CNTN4: variants seen among roughly 807,000 people sequenced by gnomAD.
The protein encoded by CNTN4 is contactin 4.
A neutral mutation model predicts 122.5 loss-of-function variants in CNTN4; 77 were observed. That is an observed-to-expected ratio of 0.63 (90% confidence interval 0.52 to 0.76). The LOEUF is 0.76. Among genes scored for constraint, CNTN4 ranks in the 30% least tolerant of loss-of-function variants. The pLI is 0.00. For synonymous variants in CNTN4, 512 were observed against 447.0 expected (o/e 1.15, Z -1.83); for missense variants, 1,256 against 1,259.1 (o/e 1.00, Z 0.04).
Position 2,891,680 on chromosome 3 carries a change from G to A in CNTN4, c.940+4456G>A, listed in dbSNP as rs147542825. Among the ~76,000 whole-genome samples, 919 of 152,270 alleles carry A rather than the reference G, an allele frequency of 6.0e-3. 13 individuals are homozygous for A. The highest frequency in any genetic ancestry group is 0.021 in the African/African-American group (859 of 41,542). On this transcript the variant is annotated intron_variant, in intron 10 of 24. Coordinates refer to ENST00000418658, the MANE Select transcript of CNTN4 (RefSeq NM_175607.3). The stretch of plus-strand genomic sequence containing the variant: ...CTTGACTTTCTTGATATGCAGCAGG[G>A]AAGTCAGTGTTAACTAAATCATAGT...
chr3:2,482,869 G>T (rs1439639497), intron 3 of CNTN4, among the ~76,000 whole-genome samples: 1 of 152,206 alleles, frequency 6.6e-6, no homozygotes, highest in African/African-American at 2.4e-5. Context: ...AAAGTTTGCT[G>T]CAGGGACAAA....
At chr3:2,689,790 C>T (rs1008042678) in intron 4 of CNTN4, among the ~76,000 whole-genome samples, 6 of 152,106 alleles carry the variant, frequency 3.9e-5, no homozygotes, top group East Asian at 3.9e-4. Context: ...CACCACAATA[C>T]GAATCCAGGG....
chr3:2,430,466 C>G (rs7433537), intron 3 of CNTN4, among the ~76,000 whole-genome samples: 2 of 149,676 alleles, frequency 1.3e-5, no homozygotes, highest in Non-Finnish European at 3.0e-5. Flanking sequence ...CACCTGTCTT[C>G]TGCATTGCTT....
intron 3 of CNTN4, among the ~76,000 whole-genome samples, chr3:2,513,439 C>T (rs2076947553): frequency 6.6e-6 from 1 of 151,838 alleles, no homozygotes; most frequent in Admixed American, 6.6e-5. Context: ...TTTTTTTAAA[C>T]AAATGCTTAA....
chr3:2,802,209 A>G (rs972128), intron 6 of CNTN4, among the ~76,000 whole-genome samples: 148,574 of 152,324 alleles, frequency 0.98, 72,555 homozygotes, highest in East Asian at 1. Context: ...AAATTTATCG[A>G]TAACCCTCAC....
At chr3:2,594,642 G>C (rs2080675418) in intron 4 of CNTN4, among the ~76,000 whole-genome samples, 1 of 124,186 alleles carries the variant, frequency 8.1e-6, no homozygotes, top group Non-Finnish European at 1.8e-5. Flanking sequence ...GGCTGGTCTT[G>C]AACTCCTGAC....
intron 4 of CNTN4, among the ~76,000 whole-genome samples, chr3:2,626,229 C>T (rs2082180035): frequency 1.3e-5 from 2 of 152,046 alleles, no homozygotes; most frequent in African/African-American, 4.8e-5. Context: ...TACTTTGTGT[C>T]TTCTATCTTA....
intron 4 of CNTN4, among the ~76,000 whole-genome samples, chr3:2,588,217 C>T (rs1256317229): frequency 6.6e-6 from 1 of 152,078 alleles, no homozygotes; most frequent in African/African-American, 2.4e-5. Context: ...CTTGATAGTT[C>T]ACCACAAGTA....
intron 4 of CNTN4, among the ~76,000 whole-genome samples, chr3:2,669,438 T>A (rs1559367638): frequency 1.3e-5 from 2 of 152,220 alleles, no homozygotes; most frequent in Admixed American, 6.5e-5. Flanking sequence ...AGTGGTGATA[T>A]CCCCTTTGTC....
At chr3:2,997,717 A>G (rs163557) in intron 14 of CNTN4, among the ~76,000 whole-genome samples, 149,905 of 152,318 alleles carry the variant, frequency 0.98, 73,787 homozygotes, top group East Asian at 1. Flanking sequence ...ATTTCTAAAA[A>G]GTTAAAATGG....
intron 3 of CNTN4, among the ~76,000 whole-genome samples, chr3:2,371,954 A>G (rs1468511042): frequency 1.3e-5 from 2 of 152,264 alleles, no homozygotes; most frequent in Admixed American, 6.5e-5. Flanking sequence ...ATATATTTTC[A>G]GTAGATGAGT....
intron 12 of CNTN4, among the ~76,000 whole-genome samples, chr3:2,908,512 G>A (rs2094262395): frequency 6.6e-6 from 1 of 152,122 alleles, no homozygotes; most frequent in Admixed American, 6.5e-5. Context: ...AAACAAGGAT[G>A]GGGTCTTAGG....
chr3:2,343,176 C>G (rs1484976967), intron 3 of CNTN4, among the ~76,000 whole-genome samples: 1 of 152,112 alleles, frequency 6.6e-6, no homozygotes, highest in African/African-American at 2.4e-5. Flanking sequence ...GCAGGGTAAA[C>G]CTAAGGGCAA....
chr3:2,867,943 T>C (rs1035761889), intron 8 of CNTN4, among the ~76,000 whole-genome samples: 4 of 152,178 alleles, frequency 2.6e-5, no homozygotes, highest in Non-Finnish European at 5.9e-5. Flanking sequence ...TCAATAAATA[T>C]TTGTTGAATA....
At chr3:2,808,836 C>G (rs1032856566) in intron 6 of CNTN4, among the ~76,000 whole-genome samples, 3 of 152,330 alleles carry the variant, frequency 2.0e-5, no homozygotes, top group Admixed American at 6.5e-5. Flanking sequence ...AAGTTATTCT[C>G]CAAAGCTTCC....
At chr3:2,775,059 G>A (rs190415077) in intron 6 of CNTN4, among the ~76,000 whole-genome samples, 111 of 152,306 alleles carry the variant, frequency 7.3e-4, no homozygotes, top group African/African-American at 2.5e-3. Context: ...TGCTCTGTGG[G>A]ACAGTCATGA....
chr3:2,295,017 T>C (rs1223494021), intron 2 of CNTN4, among the ~76,000 whole-genome samples: 3 of 152,078 alleles, frequency 2.0e-5, no homozygotes, highest in African/African-American at 7.2e-5. Context: ...TCATCATTTT[T>C]TATGGCTGCA....
At chr3:2,478,802 A>G (rs1312314871) in intron 3 of CNTN4, among the ~76,000 whole-genome samples, 1 of 152,152 alleles carries the variant, frequency 6.6e-6, no homozygotes, top group African/African-American at 2.4e-5. Flanking sequence ...CATGGTGTAT[A>G]TATACCACAT....
chr3:2,796,910 C>A (rs2092202600), intron 6 of CNTN4, among the ~76,000 whole-genome samples: 1 of 152,196 alleles, frequency 6.6e-6, no homozygotes, highest in Admixed American at 6.5e-5. Context: ...GTACCCCACC[C>A]CTACTTCATA....
Sources: gnomAD v4.1 joint callset for allele counts (sites outside exome capture counted in the v4.1 genomes callset) on GRCh38, gnomAD v4.1.1 for gene constraint, MANE v1.5 for transcripts, NCBI Gene and HGNC (gene_info 2026-07-23, HGNC 2026-07-21) for gene names.